The following EPC2 variants were observed in gnomAD, a reference collection of about 807,000 sequenced individuals.
EPC2 encodes enhancer of polycomb 2.
EPC2 carries 14 observed loss-of-function variants against 92.1 expected under a neutral mutation model. That is an observed-to-expected ratio of 0.15 (90% CI 0.10 to 0.24). The LOEUF is 0.24. Ranked by LOEUF, EPC2 falls within the 10% of genes least tolerant of loss-of-function variation. The pLI is 1.00. For missense variants in EPC2, 755 were observed against 971.5 expected (o/e 0.78, Z 2.96); for synonymous variants, 340 against 334.7 (o/e 1.02, Z -0.17).
chr2:148,742,539 G>T (rs1271451115), intron 2 of EPC2, among the ~76,000 whole-genome samples: 5 of 152,074 alleles, frequency 3.3e-5, no homozygotes, highest in African/African-American at 1.2e-4. Flanking sequence ...GATCGCTTGA[G>T]CCCAGGAGTT....
intron 11 of EPC2, 92 bp downstream of exon 11, chr2:148,781,872 G>A: frequency 4.1e-6 from 6 of 1,472,094 alleles, no homozygotes; most frequent in South Asian, 3.9e-5. Context: ...GATAATCTTG[G>A]TTTTGCCACT....
Position 148,786,515 on chromosome 2 carries a change from C to CA in EPC2, c.*139dup. The CA allele has an allele frequency of 1.8e-6, 1 of 565,616 alleles. No homozygotes were observed. Among genetic ancestry groups the CA allele is most frequent in the South Asian group, 3.1e-5 (1 of 32,674 alleles). 35.0% of individuals were successfully genotyped at this position (565,616 alleles called of 1,614,324 possible). On this transcript the variant is annotated 3_prime_UTR_variant, in exon 14 of 14. Coordinates refer to ENST00000258484, the MANE Select transcript of EPC2 (RefSeq NM_015630.4). The stretch of plus-strand genomic sequence containing the variant: ...ACTATAGTATATTGGATGTTAAATC[C>CA]ATATATGATGTATATTTTGTAAAAT...
intron 3 of EPC2, among the ~76,000 whole-genome samples, chr2:148,748,386 C>G (rs1419888373): frequency 3.9e-5 from 6 of 152,046 alleles, no homozygotes; most frequent in Admixed American, 6.6e-5. Flanking sequence ...CTAATATACT[C>G]TCTTTCTTAA....
intron 2 of EPC2, among the ~76,000 whole-genome samples, chr2:148,721,004 T>A (rs1682361885): frequency 6.6e-6 from 1 of 152,182 alleles, no homozygotes; most frequent in Non-Finnish European, 1.5e-5. Context: ...AAACTGCTTA[T>A]GTATATAAGC....
chr2:148,692,030 G>A (rs1336319575), intron 2 of EPC2: 4 of 326,484 alleles, frequency 1.2e-5, no homozygotes, highest in African/African-American at 2.2e-5. Context: ...ATGAATATTA[G>A]GTTCTTTGTA....
chr2:148,764,767 TTCA>T (rs1285745700), intron 6 of EPC2, among the ~76,000 whole-genome samples, 185 bp from the exon 7 acceptor site: 1 of 152,222 alleles, frequency 6.6e-6, no homozygotes, highest in Non-Finnish European at 1.5e-5. Context: ...ATAATTATTT[TTCA>T]TCATAAGTTG....
At chr2:148,721,677 G>T (rs1280173732) in intron 2 of EPC2, among the ~76,000 whole-genome samples, 1 of 146,462 alleles carries the variant, frequency 6.8e-6, no homozygotes, top group Non-Finnish European at 1.5e-5. Flanking sequence ...TTTGCATTAT[G>T]CATATTTATA....
intron 1 of EPC2, among the ~76,000 whole-genome samples, chr2:148,689,741 G>T (rs1455840689): frequency 6.6e-6 from 1 of 152,140 alleles, no homozygotes; most frequent in Non-Finnish European, 1.5e-5. Context: ...TGCCCTGGTA[G>T]TAATAAAACT....
At chr2:148,653,346 G>A (rs981247710) in intron 1 of EPC2, among the ~76,000 whole-genome samples, 4 of 152,168 alleles carry the variant, frequency 2.6e-5, no homozygotes, top group Non-Finnish European at 5.9e-5. Flanking sequence ...AGGAGGAGAG[G>A]CTGATAGGAA....
chr2:148,653,939 C>CT (rs1237750112), intron 1 of EPC2, among the ~76,000 whole-genome samples: 50 of 142,244 alleles, frequency 3.5e-4, no homozygotes, highest in African/African-American at 9.0e-4. Context: ...TTAAAGATTA[C>CT]TTTTTTTTTT....
chr2:148,763,054 A>G (rs1458181169), intron 6 of EPC2, among the ~76,000 whole-genome samples: 1 of 152,142 alleles, frequency 6.6e-6, no homozygotes, highest in African/African-American at 2.4e-5. Flanking sequence ...GGCAGATTCA[A>G]GGTTTCAGTT....
At chr2:148,732,691 A>G (rs762822413) in intron 2 of EPC2, among the ~76,000 whole-genome samples, 3 of 151,862 alleles carry the variant, frequency 2.0e-5, no homozygotes, top group Non-Finnish European at 4.4e-5. Context: ...ATTTTTGTCT[A>G]TTTTTAATAT....
intron 4 of EPC2, among the ~76,000 whole-genome samples, chr2:148,761,390 CT>C (rs1683298736): frequency 6.6e-6 from 1 of 152,160 alleles, no homozygotes; most frequent in South Asian, 2.1e-4. Context: ...GATGAGGGGA[CT>C]CATTTTGACT....
At chr2:148,684,059 A>G (rs1681464231) in intron 1 of EPC2, among the ~76,000 whole-genome samples, 1 of 152,196 alleles carries the variant, frequency 6.6e-6, no homozygotes, top group Non-Finnish European at 1.5e-5. Context: ...CCATTCTTGC[A>G]GGAGTAAGGT....
chr2:148,717,701 A>T (rs1410916989), intron 2 of EPC2, among the ~76,000 whole-genome samples: 1 of 152,092 alleles, frequency 6.6e-6, no homozygotes, highest in Non-Finnish European at 1.5e-5. Flanking sequence ...GCCGTGCAGT[A>T]ATGAGAAGAA....
intron 1 of EPC2, among the ~76,000 whole-genome samples, chr2:148,646,621 C>G (rs1480414491): frequency 7.0e-6 from 1 of 143,238 alleles, no homozygotes; most frequent in Admixed American, 7.0e-5. Flanking sequence ...TAATTTGTTT[C>G]TAACGACTCA....
intron 7 of EPC2, 79 bp downstream of exon 7, chr2:148,765,225 A>C: frequency 9.4e-7 from 1 of 1,066,260 alleles, no homozygotes. Flanking sequence ...TTGCTATCTT[A>C]GAGTTTTTAT....
In EPC2 at chr2:148,752,311, G is replaced by C. The variant is rs113971967; in HGVS notation, c.460-1616G>C. Reference sequence around the variant, plus strand: ...TTCCCTTGGCCTCCAGAACACATGAGAACTGCCGTGTTGCTGTCAGTACAA... The same window carrying C: ...TTCCCTTGGCCTCCAGAACACATGACAACTGCCGTGTTGCTGTCAGTACAA... On this transcript the variant is annotated intron_variant, in intron 3 of 13. Coordinates refer to ENST00000258484, the MANE Select transcript of EPC2 (RefSeq NM_015630.4). Among the ~76,000 whole-genome samples the C allele has an allele frequency of 7.8e-3, 1,193 of 152,242 alleles. 12 individuals carry two copies. Among genetic ancestry groups the C allele is most frequent in the Non-Finnish European group, 0.012 (814 of 67,994 alleles).
At chr2:148,669,445 G>A (rs916113690) in intron 1 of EPC2, among the ~76,000 whole-genome samples, 1 of 152,186 alleles carries the variant, frequency 6.6e-6, no homozygotes, top group Non-Finnish European at 1.5e-5. Context: ...GAAAGGGCAA[G>A]GTGGGAGGAT....
Sources: gnomAD v4.1 joint callset for allele counts (sites outside exome capture counted in the v4.1 genomes callset) on GRCh38, gnomAD v4.1.1 for gene constraint, MANE v1.5 for transcripts, NCBI Gene and HGNC (gene_info 2026-07-23, HGNC 2026-07-21) for gene names.